The following PPP1R42 variants were observed in gnomAD, a reference collection of about 807,000 sequenced individuals.
PPP1R42 encodes the protein protein phosphatase 1 regulatory subunit 42.
A neutral mutation model predicts 31.0 loss-of-function variants in PPP1R42; 34 were observed. The observed-to-expected ratio is 1.10, with a 90% CI of 0.83 to 1.46. PPP1R42 has a LOEUF of 1.46. Ranked by LOEUF, PPP1R42 falls within the 40% of genes most tolerant of loss-of-function variation. The probability of loss-of-function intolerance (pLI) is 0.00; values close to 1 mark genes in which losing one functional copy is unlikely to be tolerated. For missense variants in PPP1R42, 268 were observed against 303.0 expected, an observed-to-expected ratio of 0.88 and a Z score of 0.86; for synonymous variants, 103 against 109.8, an observed-to-expected ratio of 0.94 and a Z score of 0.39.
At chr8:67,017,142 TTAAAA>T (rs1320129514) in intron 2 of PPP1R42, among the ~76,000 whole-genome samples, 1 of 151,962 alleles carries the variant, frequency 6.6e-6, no homozygotes. Flanking sequence ...AAGTAGGAAG[TTAAAA>T]TAAAAACACA....
At chr8:66,985,461 C>A in intron 6 of PPP1R42, 1 of 888,744 alleles carries the variant, frequency 1.1e-6, no homozygotes, top group Non-Finnish European at 1.9e-6. Context: ...CATCTAGGAT[C>A]AGTGGTGTAG....
chr8:67,006,375 G>A (rs1199737707), intron 5 of PPP1R42, among the ~76,000 whole-genome samples: 2 of 152,052 alleles, frequency 1.3e-5, no homozygotes, highest in African/African-American at 2.4e-5. Context: ...GAGTGCAGTG[G>A]GTGAATCACA....
intron 2 of PPP1R42, among the ~76,000 whole-genome samples, chr8:67,015,750 T>A (rs918264803): frequency 2.6e-5 from 4 of 152,006 alleles, no homozygotes; most frequent in African/African-American, 4.8e-5. Flanking sequence ...ATAAAATAAT[T>A]AAAGGGATTT....
At chr8:66,998,015 G>A (rs1290489590) in intron 5 of PPP1R42, among the ~76,000 whole-genome samples, 1 of 152,128 alleles carries the variant, frequency 6.6e-6, no homozygotes, top group Admixed American at 6.6e-5. Flanking sequence ...CTTCAACCAT[G>A]CATGTGTAGG....
chr8:66,966,251 C>T (rs770274172), intron 7 of PPP1R42, among the ~76,000 whole-genome samples: 50 of 152,100 alleles, frequency 3.3e-4, no homozygotes, highest in Non-Finnish European at 6.5e-4. Context: ...CCTTAGTCAC[C>T]CCCTCACCTG....
intron 1 of PPP1R42, among the ~76,000 whole-genome samples, chr8:67,020,718 T>A (rs745876157): frequency 2.0e-5 from 3 of 152,274 alleles, no homozygotes. Context: ...ATCATTATTA[T>A]TATTCTGTTA....
At chr8:67,015,038 A>T (rs56179238) in intron 2 of PPP1R42, among the ~76,000 whole-genome samples, 47 of 151,838 alleles carry the variant, frequency 3.1e-4, no homozygotes, top group Non-Finnish European at 5.9e-4. Context: ...TTTTTTCCTG[A>T]GATGGAGTCT....
intron 2 of PPP1R42, among the ~76,000 whole-genome samples, chr8:67,016,240 C>G (rs1039612196): frequency 6.6e-6 from 1 of 152,172 alleles, no homozygotes; most frequent in Admixed American, 6.5e-5. Context: ...GTATTTCTTT[C>G]ATTTGTTCAA....
At position 67,020,193 on chromosome 8, in the gene PPP1R42, TTTG is replaced by T. The variant is rs376676247; in HGVS notation, c.-84-2365_-84-2363del. 2.8e-4 allele frequency among the ~76,000 whole-genome samples: 43 copies of T among 151,902 alleles called. 1 individual carries two copies. Among genetic ancestry groups the T allele is most frequent in the South Asian group, 2.5e-3 (12 of 4,816 alleles). On this transcript the variant is annotated intron_variant, in intron 1 of 7. Coordinates refer to ENST00000685739, the MANE Select transcript of PPP1R42 (RefSeq NM_001364910.1). ...CCAGGGTTTTTTGTTGTGTTTTGTT[TTTG>T]TTGTTGTTGTTGTTGTTTTTTTTGA...
intron 4 of PPP1R42, 195 bp downstream of exon 4, chr8:67,012,763 T>C: frequency 2.4e-6 from 1 of 421,894 alleles, no homozygotes; most frequent in East Asian, 3.6e-5. Context: ...CAGGTTTTAT[T>C]ATCCCACTTT....
chr8:66,989,761 T>A (rs1045442791), intron 5 of PPP1R42, among the ~76,000 whole-genome samples: 6 of 152,196 alleles, frequency 3.9e-5, no homozygotes, highest in African/African-American at 9.6e-5. Context: ...ATTGTTTTTT[T>A]AAAAATAAGG....
At chr8:66,969,049 C>T (rs117422016) in intron 7 of PPP1R42, among the ~76,000 whole-genome samples, 2,484 of 152,154 alleles carry the variant, frequency 0.016, 61 homozygotes, top group South Asian at 0.046. Flanking sequence ...TTAAAAAATG[C>T]ATTTAGTTCT....
chr8:66,965,669 C>G (rs1342098780), intron 7 of PPP1R42, among the ~76,000 whole-genome samples: 3 of 152,022 alleles, frequency 2.0e-5, no homozygotes, highest in Admixed American at 6.6e-5. Flanking sequence ...ATCTGCAACC[C>G]CAGCACTTTG....
intron 6 of PPP1R42, among the ~76,000 whole-genome samples, chr8:66,987,014 C>A (rs902666028): frequency 6.6e-5 from 10 of 152,114 alleles, no homozygotes; most frequent in Non-Finnish European, 2.9e-5. Context: ...AAAGGTCATT[C>A]TTTGATGCTC....
chr8:66,986,170 A>G (rs1183384823), intron 6 of PPP1R42: 2 of 616,368 alleles, frequency 3.2e-6, no homozygotes, highest in Non-Finnish European at 6.1e-6. Context: ...CACGCTTTTC[A>G]CTGTCTTCTC....
At chr8:66,979,801 T>C (rs1814777146) in intron 7 of PPP1R42, among the ~76,000 whole-genome samples, 1 of 152,162 alleles carries the variant, frequency 6.6e-6, no homozygotes, top group African/African-American at 2.4e-5. Flanking sequence ...CTTTGGTTAG[T>C]AGACTATAAT....
chr8:66,969,494 G>A (rs192957773), intron 7 of PPP1R42, among the ~76,000 whole-genome samples: 1 of 152,232 alleles, frequency 6.6e-6, no homozygotes, highest in Non-Finnish European at 1.5e-5. Context: ...AGACCAAAAC[G>A]AGGACTCCCT....
chr8:67,001,752 ATTTTAC>A (rs978678638), intron 5 of PPP1R42, among the ~76,000 whole-genome samples: 1 of 152,038 alleles, frequency 6.6e-6, no homozygotes, highest in African/African-American at 2.4e-5. Flanking sequence ...TTGTTAGTTT[ATTTTAC>A]TTTTACATGT....
chr8:67,011,416 A>G (rs1815841230), intron 4 of PPP1R42, among the ~76,000 whole-genome samples: 1 of 152,202 alleles, frequency 6.6e-6, no homozygotes, highest in Non-Finnish European at 1.5e-5. Flanking sequence ...AGTCCCAGCT[A>G]CTTGGGAGGC....
Sources: gnomAD v4.1 joint callset for allele counts (sites outside exome capture counted in the v4.1 genomes callset) on GRCh38, gnomAD v4.1.1 for gene constraint, MANE v1.5 for transcripts, NCBI Gene and HGNC (gene_info 2026-07-23, HGNC 2026-07-21) for gene names.